Variants in GPC5 observed in about 807,000 individuals in gnomAD.
GPC5 encodes glypican 5.
Under a neutral mutation model 53.9 loss-of-function variants are expected in GPC5, and 47 were observed. The ratio of observed to expected loss-of-function variants is 0.87; its 90% CI spans 0.69 to 1.11. The LOEUF is 1.11. Ranked by LOEUF, GPC5 falls within the 50% of genes most tolerant of loss-of-function variation. The pLI is 0.00. For synonymous variants in GPC5, 286 were observed against 263.3 expected (o/e 1.09, Z -0.84); for missense variants, 748 against 713.1 (o/e 1.05, Z -0.56).
intron 7 of GPC5, among the ~76,000 whole-genome samples, chr13:92,551,311 G>A (rs1214643601): frequency 1.3e-5 from 2 of 149,754 alleles, no homozygotes; most frequent in African/African-American, 4.9e-5. Flanking sequence ...AAAAAAAAAA[G>A]AGAGCGAAAA....
rs373779536 is a variant in GPC5, at chr13:91,410,445, G to A, written c.163+11236G>A. Among the ~76,000 whole-genome samples the A allele has an allele frequency of 1.2e-3, 174 of 148,626 alleles. 1 individual carries two copies. The highest frequency in any genetic ancestry group is 4.0e-3 in the African/African-American group (162 of 40,158). ...ACTGCAAGCTCCGCCTGCCAGGTTCGTGCCATTCTCCTGCCTCAGCCTCCT... is the reference window on the plus strand; with the variant it reads ...ACTGCAAGCTCCGCCTGCCAGGTTCATGCCATTCTCCTGCCTCAGCCTCCT... On this transcript the variant is annotated intron_variant, in intron 1 of 7. Transcript: ENST00000377067.
chr13:92,626,688 C>G (rs1020013335), intron 7 of GPC5, among the ~76,000 whole-genome samples: 1 of 152,088 alleles, frequency 6.6e-6, no homozygotes, highest in Admixed American at 6.5e-5. Context: ...TAGACAAGAA[C>G]TTAGAAGTTC....
intron 1 of GPC5, among the ~76,000 whole-genome samples, chr13:91,409,159 T>C (rs1877542190): frequency 6.6e-6 from 1 of 152,194 alleles, no homozygotes; most frequent in East Asian, 1.9e-4. Context: ...TTTCTTTTGA[T>C]CATTGAGATG....
intron 7 of GPC5, among the ~76,000 whole-genome samples, chr13:92,801,245 T>G (rs1274114725): frequency 6.6e-6 from 1 of 151,708 alleles, no homozygotes; most frequent in African/African-American, 2.4e-5. Flanking sequence ...CATATCTATA[T>G]TTATACAGAC....
intron 7 of GPC5, among the ~76,000 whole-genome samples, chr13:92,420,406 G>T (rs1876505228): frequency 6.6e-6 from 1 of 151,636 alleles, no homozygotes; most frequent in Non-Finnish European, 1.5e-5. Context: ...CATGGTACAT[G>T]CTTTGTACCA....
chr13:92,784,105 T>C (rs1876129794), intron 7 of GPC5, among the ~76,000 whole-genome samples: 1 of 152,162 alleles, frequency 6.6e-6, no homozygotes, highest in South Asian at 2.1e-4. Context: ...ATGGGAAATA[T>C]CAGCTATTTT....
intron 7 of GPC5, among the ~76,000 whole-genome samples, chr13:92,613,514 T>A: frequency 1.0e-5 from 1 of 96,390 alleles, no homozygotes; most frequent in African/African-American, 3.9e-5. Context: ...ATATATAAAA[T>A]ATAATATATA....
intron 5 of GPC5, among the ~76,000 whole-genome samples, chr13:91,762,969 C>T (rs1173004344): frequency 6.6e-6 from 1 of 152,082 alleles, no homozygotes; most frequent in African/African-American, 2.4e-5. Context: ...CACACATCTT[C>T]TTTATTCTTC....
At chr13:91,595,666 A>G (rs1325995180) in intron 2 of GPC5, among the ~76,000 whole-genome samples, 1 of 152,038 alleles carries the variant, frequency 6.6e-6, no homozygotes, top group Non-Finnish European at 1.5e-5. Context: ...CATTTGTTCT[A>G]GTTTGTTTTA....
At chr13:92,304,258 G>T (rs1398845461) in intron 7 of GPC5, among the ~76,000 whole-genome samples, 1 of 150,706 alleles carries the variant, frequency 6.6e-6, no homozygotes, top group African/African-American at 2.4e-5. Flanking sequence ...AGGCTGGAGT[G>T]CAGTGGCAGG....
intron 7 of GPC5, among the ~76,000 whole-genome samples, chr13:92,223,092 A>T (rs577683485): frequency 6.6e-6 from 1 of 152,256 alleles, no homozygotes; most frequent in South Asian, 2.1e-4. Context: ...TTATTTTTAC[A>T]GGAAATGTGA....
At chr13:92,489,796 G>A (rs1879690616) in intron 7 of GPC5, among the ~76,000 whole-genome samples, 1 of 151,826 alleles carries the variant, frequency 6.6e-6, no homozygotes, top group African/African-American at 2.4e-5. Context: ...TGGGACTAAG[G>A]CTTGATTCAC....
intron 2 of GPC5, among the ~76,000 whole-genome samples, chr13:91,656,570 A>T (rs2034850267): frequency 6.6e-6 from 1 of 152,154 alleles, no homozygotes; most frequent in Non-Finnish European, 1.5e-5. Context: ...ATAATTTTTT[A>T]AAAAACAACA....
At chr13:92,350,224 G>C (rs1446343789) in intron 7 of GPC5, among the ~76,000 whole-genome samples, 1 of 152,090 alleles carries the variant, frequency 6.6e-6, no homozygotes, top group Non-Finnish European at 1.5e-5. Flanking sequence ...AGTATAGAAA[G>C]AGTGTACCTG....
chr13:92,174,257 C>A (rs1381683540), intron 7 of GPC5, among the ~76,000 whole-genome samples: 2 of 150,170 alleles, frequency 1.3e-5, no homozygotes, highest in Admixed American at 6.6e-5. Context: ...TGTGGTGGCT[C>A]ACACCTGTGA....
chr13:92,353,613 TATTA>T (rs1213165836), intron 7 of GPC5, among the ~76,000 whole-genome samples: 2 of 152,162 alleles, frequency 1.3e-5, no homozygotes, highest in Non-Finnish European at 2.9e-5. Context: ...CAAAAGTTAT[TATTA>T]AAAATTACTA....
intron 2 of GPC5, among the ~76,000 whole-genome samples, chr13:91,532,381 A>C (rs1387397810): frequency 6.6e-6 from 1 of 152,158 alleles, no homozygotes; most frequent in Non-Finnish European, 1.5e-5. Flanking sequence ...CTTTCATCTC[A>C]TTTATTCATG....
In GPC5 at chr13:92,656,008, G is replaced by A. The variant is rs1043025731; in HGVS notation, c.1562-210274G>A. Among the ~76,000 whole-genome samples, 7 of 151,946 alleles carry A rather than the reference G, an allele frequency of 4.6e-5. No individual in the cohort carries two copies. The East Asian group carries it at 7.7e-4, about 17-fold the overall frequency. On this transcript the variant is annotated intron_variant, in intron 7 of 7. Coordinates refer to ENST00000377067, the MANE Select transcript of GPC5 (RefSeq NM_004466.6). ...CAATTTCCCTGACTTCAAGGAATTC[G>A]AAGTATAACTGTAATATACAATGAA...
chr13:92,766,030 C>T (rs1463406976), intron 7 of GPC5, among the ~76,000 whole-genome samples: 4 of 152,078 alleles, frequency 2.6e-5, no homozygotes, highest in African/African-American at 9.7e-5. Flanking sequence ...AAATTTATTG[C>T]ATATGTTCAC....
Sources: gnomAD v4.1 joint callset for allele counts (sites outside exome capture counted in the v4.1 genomes callset) on GRCh38, gnomAD v4.1.1 for gene constraint, MANE v1.5 for transcripts, NCBI Gene and HGNC (gene_info 2026-07-23, HGNC 2026-07-21) for gene names.